SPAG17: variants seen among roughly 807,000 people sequenced by gnomAD.
SPAG17 encodes the protein sperm-associated antigen 17.
In SPAG17, 169 loss-of-function variants were observed where a neutral mutation model predicts 273.6. The ratio of observed to expected loss-of-function variants is 0.62; its 90% CI spans 0.55 to 0.70. The LOEUF (loss-of-function observed/expected upper bound fraction) is 0.70, where lower values mean the gene tolerates loss of function less well. SPAG17 is among the 30% of genes least tolerant of loss of function. The pLI, the probability that SPAG17 is intolerant of heterozygous loss-of-function variation, is 0.00. For missense variants in SPAG17, 2,557 were observed against 2,627.8 expected (o/e 0.97, Z 0.59); for synonymous variants, 825 against 873.2 (o/e 0.94, Z 0.97).
At chr1:117,991,586 C>T (rs1657082997) in intron 36 of SPAG17, 58 bp from the exon 37 acceptor site, 2 of 1,030,952 alleles carry the variant, frequency 1.9e-6, no homozygotes, top group Non-Finnish European at 2.9e-6. Context: ...GAGAGAGATA[C>T]AAAAATGGTC....
chr1:118,084,486 A>T (rs1654835693), intron 13 of SPAG17, among the ~76,000 whole-genome samples: 1 of 152,196 alleles, frequency 6.6e-6, no homozygotes, highest in South Asian at 2.1e-4. Context: ...TGCTTTGGGA[A>T]ATGACTGCCT....
chr1:118,180,537 A>C (rs1558066141), intron 1 of SPAG17, among the ~76,000 whole-genome samples: 1 of 152,076 alleles, frequency 6.6e-6, no homozygotes, highest in African/African-American at 2.4e-5. Context: ...CAGTAGAGTG[A>C]CTATAATTTA....
At chr1:118,043,189 G>C (rs781605550) in intron 20 of SPAG17, among the ~76,000 whole-genome samples, 5 of 152,174 alleles carry the variant, frequency 3.3e-5, no homozygotes, top group African/African-American at 4.8e-5. Context: ...GAGTTTGAAA[G>C]ACTTCCTGAA....
Position 118,050,937 on chromosome 1 carries a change from TCAACAAAGCGAA to T in SPAG17, c.2814+3053_2814+3064del, listed in dbSNP as rs1245297254. Among the ~76,000 whole-genome samples the T allele has an allele frequency of 6.0e-4, 91 of 151,958 alleles. 1 individual carries two copies. The highest frequency in any genetic ancestry group is 2.1e-3 in the African/African-American group (86 of 41,366). ...ACCTTCTGCACAACAAAGAAAACAA[TCAACAAAGCGAA>T]GAAATAACCTATGGAATAGGACATA... On this transcript the variant is annotated intron_variant, in intron 20 of 48. Transcript: ENST00000336338.
chr1:118,023,420 C>T lies in SPAG17; in HGVS notation c.3953G>A (p.Gly1318Asp). 1 of 1,611,422 alleles carries T rather than the reference C, an allele frequency of 6.2e-7. No homozygotes were observed. Among genetic ancestry groups the T allele is most frequent in the African/African-American group, 1.3e-5 (1 of 74,944 alleles). ...DGAVSRSPNS[G>D]LICPPSEMPA... is the part of the protein sequence containing the mutation. ...CATTTCAGAAGGAGGACAAATAAGA[C>T]CTGAATTGGGACTCCTGCTCACAGC... The change falls in exon 28 of 49, where the codon GGT becomes GAT. Residue 1318 changes from glycine (G) to aspartate (D), a missense_variant. Physicochemically the swap from Gly to Asp is moderately conservative, Grantham distance 94. Transcript: ENST00000336338.
intron 18 of SPAG17, among the ~76,000 whole-genome samples, chr1:118,062,363 T>A (rs1258343467): frequency 9.0e-5 from 2 of 22,282 alleles, no homozygotes; most frequent in Non-Finnish European, 1.7e-4. Flanking sequence ...CGAGACTCCA[T>A]CTCAAAAAAA....
intron 3 of SPAG17, among the ~76,000 whole-genome samples, chr1:118,148,372 C>G (rs563799698): frequency 6.6e-6 from 1 of 152,248 alleles, no homozygotes; most frequent in South Asian, 2.1e-4. Flanking sequence ...AACAAATCCT[C>G]CACACTCGGC....
At chr1:117,999,509 C>T (rs1461596481) in intron 32 of SPAG17, among the ~76,000 whole-genome samples, 3 of 152,064 alleles carry the variant, frequency 2.0e-5, no homozygotes, top group South Asian at 4.1e-4. Flanking sequence ...GACTTTTTAA[C>T]GATTGCCATT....
chr1:118,134,474 C>T (rs1658231018), intron 3 of SPAG17, among the ~76,000 whole-genome samples: 2 of 152,086 alleles, frequency 1.3e-5, no homozygotes, highest in African/African-American at 4.8e-5. Flanking sequence ...ACATGCATTG[C>T]TATAATAATA....
chr1:117,961,008 G>T (rs1378277882), intron 48 of SPAG17: 1 of 152,024 alleles, frequency 6.6e-6, no homozygotes, highest in Non-Finnish European at 1.5e-5. Context: ...TCTGGGCTGC[G>T]TGCAGTGGCT....
At chr1:117,961,853 G>C (rs138421806) in intron 48 of SPAG17, 119 of 152,610 alleles carry the variant, frequency 7.8e-4, no homozygotes, top group African/African-American at 2.8e-3. Context: ...TGCTTTCCAA[G>C]GAGTCAGTGT....
rs1005775037 is a variant in SPAG17, at chr1:118,025,204, A to AGG, written c.3909+32_3909+33dup. 21 of 1,605,308 alleles carry AGG rather than the reference A, an allele frequency of 1.3e-5. No homozygotes were observed. The African/African-American group carries it at 2.4e-4, about 18-fold the overall frequency. On this transcript the variant is annotated intron_variant, in intron 27 of 48. Transcript: ENST00000336338. ...CATAAGTTGTCTTTTACTTTGGAAC[A>AGG]GGGAAGAATAATTTCTCTAACACAT...
intron 21 of SPAG17, 35 bp downstream of exon 21, chr1:118,041,768 C>G: frequency 6.3e-7 from 1 of 1,590,750 alleles, no homozygotes; most frequent in Non-Finnish European, 8.5e-7. Context: ...TAGGAATAGC[C>G]CAAAGAGACT....
At chr1:118,081,858 C>A (rs956776536) in intron 13 of SPAG17, among the ~76,000 whole-genome samples, 3 of 152,126 alleles carry the variant, frequency 2.0e-5, no homozygotes, top group African/African-American at 7.2e-5. Flanking sequence ...TAAAATTTAG[C>A]AAATTATAAT....
Position 117,953,880 on chromosome 1 carries a change from C to G in SPAG17, c.*170G>C, listed in dbSNP as rs2273581. On this transcript the variant is annotated 3_prime_UTR_variant, in exon 49 of 49. Transcript: ENST00000336338. Reference sequence around the variant, plus strand: ...TTTAAATGCTTTTTGGCACTCTATTCGCACGTCTTTATTAAACAGATTGAA... The same window carrying G: ...TTTAAATGCTTTTTGGCACTCTATTGGCACGTCTTTATTAAACAGATTGAA... 25,924 of 770,682 alleles carry G rather than the reference C, an allele frequency of 0.034. 1,467 individuals carry two copies. Among genetic ancestry groups the G allele is most frequent in the African/African-American group, 0.17 (9,922 of 57,432 alleles). The allele number at this position is 770,682 out of a possible 1,614,324, so 47.7% of individuals were successfully genotyped here.
At chr1:117,954,195 G>C in intron 48 of SPAG17, 146 bp from the exon 49 acceptor site, 1 of 995,606 alleles carries the variant, frequency 1.0e-6, no homozygotes, top group Non-Finnish European at 1.5e-6. Flanking sequence ...ATCAGGATAT[G>C]CAATAAATGG....
At chr1:118,023,582 G>T in intron 27 of SPAG17, 119 bp from the exon 28 acceptor site, 1 of 943,842 alleles carries the variant, frequency 1.1e-6, no homozygotes, top group Non-Finnish European at 1.5e-6. Flanking sequence ...AATGCTGTTT[G>T]CAGACCTCCA....
intron 1 of SPAG17, among the ~76,000 whole-genome samples, chr1:118,165,876 C>T (rs1332326046): frequency 1.3e-5 from 2 of 152,036 alleles, no homozygotes; most frequent in Non-Finnish European, 2.9e-5. Context: ...ATCTCCTGAC[C>T]TCCTGATCCA....
At chr1:118,172,362 G>A (rs1660454059) in intron 1 of SPAG17, among the ~76,000 whole-genome samples, 4 of 152,034 alleles carry the variant, frequency 2.6e-5, no homozygotes, top group Admixed American at 2.6e-4. Context: ...TGGAGTAGTG[G>A]GTCGGGCTGG....
Sources: gnomAD v4.1 joint callset for allele counts (sites outside exome capture counted in the v4.1 genomes callset) on GRCh38, gnomAD v4.1.1 for gene constraint, MANE v1.5 for transcripts, NCBI Gene and HGNC (gene_info 2026-07-23, HGNC 2026-07-21) for gene names.